Variants in PCDH15 observed in about 807,000 individuals in gnomAD.
The protein encoded by PCDH15 is protocadherin related 15.
In PCDH15, 129 loss-of-function variants were observed where a neutral mutation model predicts 178.5. The ratio of observed to expected loss-of-function variants is 0.72; its 90% confidence interval spans 0.63 to 0.84. The LOEUF is 0.84. Among genes scored for constraint, PCDH15 ranks in the 40% least tolerant of loss-of-function variants. The pLI is 0.00. For synonymous variants in PCDH15, 800 were observed against 732.0 expected (o/e 1.09, Z -1.50); for missense variants, 2,230 against 2,099.9 (o/e 1.06, Z -1.21).
chr10:53,994,019 A>T (rs888232148), intron 21 of PCDH15, among the ~76,000 whole-genome samples: 9 of 152,246 alleles, frequency 5.9e-5, no homozygotes, highest in African/African-American at 2.2e-4. Flanking sequence ...ATGAAATTTA[A>T]ATCTGGCAAT....
chr10:55,547,927 G>GAGAGAGAGAGAGAGAGAGAGAGAGAC (rs1841924319), intron 2 of PCDH15, among the ~76,000 whole-genome samples: 1 of 148,468 alleles, frequency 6.7e-6, no homozygotes, highest in African/African-American at 2.5e-5. Context: ...GAGAGAGAGA[G>GAGAGAGAGAGAGAGAGAGAGAGAGAC]AGAGAGAGAG....
chr10:55,276,318 C>T (rs1842594832), intron 1 of PCDH15, among the ~76,000 whole-genome samples: 1 of 150,766 alleles, frequency 6.6e-6, no homozygotes, highest in South Asian at 2.1e-4. Flanking sequence ...CAATATTTTA[C>T]CATTAAATAT....
At chr10:54,036,311 A>G (rs2093415610) in intron 18 of PCDH15, among the ~76,000 whole-genome samples, 1 of 151,980 alleles carries the variant, frequency 6.6e-6, no homozygotes, top group Admixed American at 6.6e-5. Flanking sequence ...AACTTAAAAC[A>G]GAGAGGTCAA....
chr10:53,822,936 A>T (rs893812948), intron 32 of PCDH15: 10 of 1,614,000 alleles, frequency 6.2e-6, no homozygotes, highest in Non-Finnish European at 8.5e-6. Flanking sequence ...CCACTGCTGC[A>T]GATCTATGAT....
At chr10:55,503,718 A>C (rs914667725) in intron 2 of PCDH15, among the ~76,000 whole-genome samples, 1 of 151,422 alleles carries the variant, frequency 6.6e-6, no homozygotes, top group African/African-American at 2.4e-5. Flanking sequence ...AAATTGAAAC[A>C]AGAAACCACC....
At chr10:54,865,238 A>T (rs1953917456) in intron 3 of PCDH15, among the ~76,000 whole-genome samples, 1 of 152,150 alleles carries the variant, frequency 6.6e-6, no homozygotes, top group African/African-American at 2.4e-5. Flanking sequence ...AAGCAGGCAG[A>T]AGAAGGTGTG....
upstream of PCDH15, among the ~76,000 whole-genome samples, chr10:54,804,700 C>T (rs1952746486): frequency 6.6e-6 from 1 of 151,436 alleles, no homozygotes; most frequent in Non-Finnish European, 1.5e-5. Context: ...GTATTTTTTA[C>T]ATTCCACAAA....
intron 2 of PCDH15, among the ~76,000 whole-genome samples, chr10:54,970,412 C>T (rs1030276466): frequency 1.3e-5 from 2 of 151,950 alleles, no homozygotes; most frequent in Admixed American, 1.3e-4. Context: ...TTGGGGAGAG[C>T]TCAGAAGAAA....
intron 3 of PCDH15, among the ~76,000 whole-genome samples, chr10:54,518,836 A>T (rs1044015602): frequency 2.2e-4 from 33 of 152,322 alleles, no homozygotes; most frequent in African/African-American, 7.9e-4. Flanking sequence ...AACCAAATCC[A>T]GCAGCACATC....
intron 14 of PCDH15, among the ~76,000 whole-genome samples, chr10:54,145,378 T>G (rs1278457358): frequency 6.6e-6 from 1 of 152,050 alleles, no homozygotes; most frequent in Non-Finnish European, 1.5e-5. Context: ...ATATTTATAT[T>G]GCTTTTTCTG....
At chr10:54,354,888 A>G (rs144395856) in intron 5 of PCDH15, among the ~76,000 whole-genome samples, 90 of 152,238 alleles carry the variant, frequency 5.9e-4, no homozygotes, top group African/African-American at 2.1e-3. Context: ...TATAACCACA[A>G]TGAAATGTAA....
intron 23 of PCDH15, among the ~76,000 whole-genome samples, chr10:53,958,398 A>T (rs555642908): frequency 1.3e-5 from 2 of 152,196 alleles, no homozygotes; most frequent in Non-Finnish European, 2.9e-5. Context: ...CCTTCAATCT[A>T]CAACTTAAAA....
At chr10:54,667,768 G>A (rs2094594695) in intron 1 of PCDH15, among the ~76,000 whole-genome samples, 1 of 151,950 alleles carries the variant, frequency 6.6e-6, no homozygotes, top group Non-Finnish European at 1.5e-5. Flanking sequence ...ATTCTAAAAA[G>A]AATTGTAGGT....
intron 1 of PCDH15, among the ~76,000 whole-genome samples, chr10:55,170,947 T>C (rs762972506): frequency 7.2e-5 from 11 of 152,154 alleles, no homozygotes; most frequent in Non-Finnish European, 1.3e-4. Context: ...ATATTTTCTT[T>C]TTTGGATTCC....
chr10:55,377,636 T>G (rs187407789), intron 2 of PCDH15, among the ~76,000 whole-genome samples: 1 of 152,124 alleles, frequency 6.6e-6, no homozygotes, highest in Non-Finnish European at 1.5e-5. Context: ...GACCTTTACA[T>G]AGAGGCCTCT....
chr10:54,179,629 ATTG>A (rs1360626094), intron 13 of PCDH15, among the ~76,000 whole-genome samples: 29 of 152,278 alleles, frequency 1.9e-4, no homozygotes, highest in East Asian at 1.2e-3. Flanking sequence ...CTTTTAAAAT[ATTG>A]TTGTTTAAAA....
intron 2 of PCDH15, among the ~76,000 whole-genome samples, chr10:55,579,264 T>C (rs1458859061): frequency 2.0e-5 from 3 of 152,190 alleles, no homozygotes; most frequent in Admixed American, 1.3e-4. Context: ...AATATAAAAG[T>C]ACTATAAATG....
intron 1 of PCDH15, among the ~76,000 whole-genome samples, chr10:55,268,305 C>A (rs1160247244): frequency 6.6e-6 from 1 of 152,094 alleles, no homozygotes; most frequent in Admixed American, 6.6e-5. Context: ...CTGACTCCAG[C>A]CTTCTCACTC....
intron 2 of PCDH15, among the ~76,000 whole-genome samples, chr10:55,620,681 A>G (rs1247816322): frequency 6.6e-6 from 1 of 151,892 alleles, no homozygotes; most frequent in Non-Finnish European, 1.5e-5. Context: ...CTAGAGACAT[A>G]AGACAATTAA....
Sources: allele counts gnomAD v4.1 joint callset (sites outside exome capture counted in the v4.1 genomes callset), GRCh38; gene constraint gnomAD v4.1.1; transcripts MANE v1.5; gene names NCBI Gene and HGNC (gene_info 2026-07-23, HGNC 2026-07-21).